The following SYT1 variants were observed in gnomAD, a reference collection of about 807,000 sequenced individuals.
SYT1 encodes the protein synaptotagmin-1.
A neutral mutation model predicts 44.8 loss-of-function variants in SYT1; 8 were observed. The ratio of observed to expected loss-of-function variants is 0.18; its 90% CI spans 0.10 to 0.32. The LOEUF is 0.32. SYT1 is among the 10% of genes least tolerant of loss of function. The pLI is 1.00. For missense variants in SYT1, 286 were observed against 509.3 expected (o/e 0.56, Z 4.22); for synonymous variants, 154 against 188.8 (o/e 0.82, Z 1.51).
intron 2 of SYT1, among the ~76,000 whole-genome samples, chr12:78,989,662 T>C (rs566140836): frequency 6.6e-6 from 1 of 152,268 alleles, no homozygotes; most frequent in East Asian, 1.9e-4. Context: ...ATTTCCCTAA[T>C]GTCTTCCTCC....
At chr12:78,880,662 T>C (rs1874404488) in intron 1 of SYT1, among the ~76,000 whole-genome samples, 1 of 151,582 alleles carries the variant, frequency 6.6e-6, no homozygotes, top group South Asian at 2.1e-4. Flanking sequence ...ATGAAAAAAA[T>C]ATTAATTTAC....
intron 9 of SYT1, among the ~76,000 whole-genome samples, chr12:79,367,742 A>G (rs1423801059): frequency 2.6e-5 from 4 of 152,094 alleles, no homozygotes; most frequent in African/African-American, 9.7e-5. Flanking sequence ...AAATCAGATG[A>G]ATTGCTCCAC....
chr12:79,097,774 G>A (rs180702670), intron 3 of SYT1, among the ~76,000 whole-genome samples: 54 of 152,064 alleles, frequency 3.6e-4, no homozygotes, highest in Admixed American at 2.5e-3. Context: ...ATTTAATAAT[G>A]ATAGAAAATT....
At chr12:79,132,136 A>G (rs753095080) in intron 3 of SYT1, among the ~76,000 whole-genome samples, 11 of 152,166 alleles carry the variant, frequency 7.2e-5, no homozygotes, top group Non-Finnish European at 1.5e-4. Flanking sequence ...TATGCAAAGG[A>G]CTAAATAAAC....
chr12:79,110,982 C>T (rs1030969714), intron 3 of SYT1, among the ~76,000 whole-genome samples: 4 of 152,072 alleles, frequency 2.6e-5, no homozygotes, highest in African/African-American at 9.7e-5. Context: ...AGGCACTGGT[C>T]GAACTCAACA....
At position 78,864,879 on chromosome 12, in the gene SYT1, G is replaced by C. The variant is rs1873446940; in HGVS notation, c.-447G>C. The C allele has an allele frequency of 6.5e-6, 1 of 152,744 alleles. No individual in the cohort carries two copies. The highest frequency in any genetic ancestry group is 2.1e-4 in the South Asian group (1 of 4,866). 9.5% of individuals were successfully genotyped at this position (152,744 alleles called of 1,614,324 possible). A position where few individuals can be genotyped will look rare whatever the true frequency, so the allele number is the denominator to read the frequency against. On this transcript the variant is annotated 5_prime_UTR_variant, in exon 1 of 11. Transcript: ENST00000261205. Reference sequence around the variant, plus strand: ...AGTCCCCAGGGTGGTGCTCAGCCGAGAGGGGGGCTTGGCGCCCCGAAGGGG... The same window carrying C: ...AGTCCCCAGGGTGGTGCTCAGCCGACAGGGGGGCTTGGCGCCCCGAAGGGG...
At position 79,221,963 on chromosome 12, in the gene SYT1, G is replaced by A. The variant is rs192485977; in HGVS notation, c.166+4278G>A. 2.6e-4 allele frequency among the ~76,000 whole-genome samples: 40 copies of A among 152,042 alleles called. 1 individual carries two copies. In the East Asian group the frequency reaches 7.2e-3, roughly 27 times the overall value. On this transcript the variant is annotated intron_variant, in intron 4 of 10. Coordinates refer to ENST00000261205, the MANE Select transcript of SYT1 (RefSeq NM_005639.3). ...TTTTTAACTTGAAGAACTCCCCTTAGTATTTTTATAAGACAGGCCTGGTGG... is the reference window on the plus strand; with the variant it reads ...TTTTTAACTTGAAGAACTCCCCTTAATATTTTTATAAGACAGGCCTGGTGG...
intron 3 of SYT1, among the ~76,000 whole-genome samples, chr12:79,210,679 T>G (rs1050022834): frequency 2.0e-5 from 3 of 152,232 alleles, no homozygotes; most frequent in African/African-American, 7.2e-5. Context: ...TCCATGATTT[T>G]GCAATTGCGA....
intron 3 of SYT1, among the ~76,000 whole-genome samples, chr12:79,070,311 C>G (rs754053040): frequency 6.6e-6 from 1 of 152,126 alleles, no homozygotes; most frequent in Non-Finnish European, 1.5e-5. Context: ...CTTGAGAGAA[C>G]ATTTGCTCTT....
intron 3 of SYT1, among the ~76,000 whole-genome samples, chr12:79,144,110 C>G (rs1322819102): frequency 3.9e-5 from 6 of 152,108 alleles, no homozygotes; most frequent in African/African-American, 1.4e-4. Context: ...TCATTTCCTC[C>G]AAAATTAGCT....
At chr12:79,325,348 T>C (rs1881563281) in intron 8 of SYT1, among the ~76,000 whole-genome samples, 1 of 152,192 alleles carries the variant, frequency 6.6e-6, no homozygotes, top group South Asian at 2.1e-4. Flanking sequence ...GAAAAAGCTA[T>C]GTTATGGCTG....
intron 1 of SYT1, among the ~76,000 whole-genome samples, chr12:78,940,312 T>A (rs1878280892): frequency 6.6e-6 from 1 of 152,214 alleles, no homozygotes; most frequent in Admixed American, 6.5e-5. Flanking sequence ...CTTTATACCA[T>A]TCTTAATGCT....
intron 2 of SYT1, among the ~76,000 whole-genome samples, chr12:79,021,895 G>A (rs1345321200): frequency 2.0e-5 from 3 of 150,920 alleles, no homozygotes; most frequent in Non-Finnish European, 1.5e-5. Context: ...ATATTTGTAC[G>A]CCCCCTTTTT....
intron 1 of SYT1, among the ~76,000 whole-genome samples, chr12:78,944,424 T>C (rs1878548611): frequency 6.6e-6 from 1 of 151,980 alleles, no homozygotes; most frequent in African/African-American, 2.4e-5. Flanking sequence ...AGCTTCTAAC[T>C]CAGCCTCAGG....
At position 79,215,918 on chromosome 12, in the gene SYT1, C is replaced by CT. The variant is rs71091653; in HGVS notation, c.-17-1555dup. ...ACTCACAAATCGTTTGCATTTCTTTCTTTTTTTTTTTTTTTTTTTTTTTTT... is the reference window on the plus strand; with the variant it reads ...ACTCACAAATCGTTTGCATTTCTTTCTTTTTTTTTTTTTTTTTTTTTTTTTT... On this transcript the variant is annotated intron_variant, in intron 3 of 10. Coordinates refer to ENST00000261205, the MANE Select transcript of SYT1 (RefSeq NM_005639.3). 3.9e-3 allele frequency among the ~76,000 whole-genome samples: 297 copies of CT among 76,788 alleles called. 23 individuals are homozygous for CT. Among genetic ancestry groups the CT allele is most frequent in the East Asian group, 0.012 (27 of 2,290 alleles). 50.4% of individuals were successfully genotyped at this position (76,788 alleles called of 152,430 possible).
intron 1 of SYT1, among the ~76,000 whole-genome samples, chr12:78,953,334 A>G (rs553955808): frequency 1.1e-4 from 16 of 152,236 alleles, no homozygotes; most frequent in Admixed American, 8.5e-4. Context: ...GCACCCATGC[A>G]TTGCTCATGT....
intron 8 of SYT1, among the ~76,000 whole-genome samples, chr12:79,348,893 GAC>G (rs913849082): frequency 9.6e-6 from 1 of 103,688 alleles, no homozygotes; most frequent in African/African-American, 3.6e-5. Context: ...GATGAAAAAA[GAC>G]AAAGAAAGAA....
intron 4 of SYT1, among the ~76,000 whole-genome samples, chr12:79,275,949 C>A (rs1005599583): frequency 6.6e-6 from 1 of 152,146 alleles, no homozygotes; most frequent in South Asian, 2.1e-4. Context: ...AGTCATTGCA[C>A]AAAGATTCTC....
intron 3 of SYT1, among the ~76,000 whole-genome samples, chr12:79,108,424 A>C: frequency 6.6e-6 from 1 of 152,150 alleles, no homozygotes; most frequent in East Asian, 1.9e-4. Context: ...ATTGGCACTG[A>C]AAATAAGAAA....
Sources: allele counts gnomAD v4.1 joint callset (sites outside exome capture counted in the v4.1 genomes callset), GRCh38; gene constraint gnomAD v4.1.1; transcripts MANE v1.5; gene names NCBI Gene and HGNC (gene_info 2026-07-23, HGNC 2026-07-21).